Variants in MAF observed in about 807,000 individuals in gnomAD.
The protein encoded by MAF is transcription factor Maf.
Under a neutral mutation model 22.0 loss-of-function variants are expected in MAF, and 10 were observed. That is an observed-to-expected ratio of 0.45 (90% CI 0.28 to 0.77). MAF has a LOEUF of 0.77. Among genes scored for constraint, MAF ranks in the 30% least tolerant of loss-of-function variants. The pLI is 0.12. For synonymous variants in MAF, 337 were observed against 255.8 expected, an observed-to-expected ratio of 1.32 and a Z score of -3.03; for missense variants, 544 against 548.4, an observed-to-expected ratio of 0.99 and a Z score of 0.08.
At position 79,598,614 on chromosome 16, in the gene MAF, TGTGC is replaced by T. The variant is rs1913740039; in HGVS notation, c.1118+167_1118+170del. The T allele has an allele frequency of 2.3e-5, 32 of 1,393,810 alleles. No homozygotes were observed. In the East Asian group the frequency reaches 3.0e-4, roughly 13 times the overall value. The allele number at this position is 1,393,810 out of a possible 1,614,324, so 86.3% of individuals were successfully genotyped here. ...TGTGTGTGTGTGTGTGTGTGTGGTG[TGTGC>T]GTGCGGGTTTGTGTGTGTGTAGGGG... On this transcript the variant is annotated intron_variant, in intron 1 of 1. Transcript: ENST00000326043.
At chr16:79,214,982 T>C in the MAF span, among the ~76,000 whole-genome samples, 1 of 152,214 alleles carries the variant, frequency 6.6e-6, no homozygotes, top group Non-Finnish European at 1.5e-5. Context: ...AGTGCTGGGA[T>C]TACAGGTGTG....
chr16:79,362,706 A>C, the MAF span, among the ~76,000 whole-genome samples: 1 of 152,218 alleles, frequency 6.6e-6, no homozygotes, highest in Non-Finnish European at 1.5e-5. Flanking sequence ...TCTAGACTGC[A>C]TACCTTTACA....
the MAF span, among the ~76,000 whole-genome samples, chr16:79,249,231 C>T: frequency 5.4e-4 from 82 of 152,164 alleles, no homozygotes; most frequent in African/African-American, 1.9e-3. Context: ...ACCAGCCTGA[C>T]CAACATGAAG....
At chr16:79,274,395 C>T in the MAF span, among the ~76,000 whole-genome samples, 15 of 152,192 alleles carry the variant, frequency 9.9e-5, no homozygotes, top group South Asian at 4.2e-4. Flanking sequence ...ATTCAGGTTG[C>T]GCAATTCCAG....
chr16:79,211,944 T>G, the MAF span: 1 of 1,537,268 alleles, frequency 6.5e-7, no homozygotes, highest in South Asian at 1.2e-5. Context: ...GTGAAAAATC[T>G]TAAGTACCAA....
At chr16:79,271,899 T>C in the MAF span, among the ~76,000 whole-genome samples, 3 of 152,256 alleles carry the variant, frequency 2.0e-5, no homozygotes, top group African/African-American at 7.2e-5. Context: ...AGAATCTCCC[T>C]GACCCCTCTG....
At chr16:79,595,272 A>G (rs1913448797) in intron 1 of MAF, 26 of 1,048,704 alleles carry the variant, frequency 2.5e-5, no homozygotes, top group Admixed American at 5.5e-5. Context: ...AGGAAGGTCA[A>G]AATGTCGAGG....
chr16:79,488,728 G>A, the MAF span, among the ~76,000 whole-genome samples: 12,966 of 152,160 alleles, frequency 0.085, 542 homozygotes, highest in East Asian at 0.13. Context: ...CCTGTGTCTT[G>A]CTATGTCAGA....
the MAF span, among the ~76,000 whole-genome samples, chr16:79,493,265 C>T: frequency 7.9e-5 from 12 of 152,112 alleles, no homozygotes; most frequent in African/African-American, 1.4e-4. Context: ...TCACTACAAC[C>T]TTTGCCTCCT....
chr16:79,438,611 G>A, the MAF span, among the ~76,000 whole-genome samples: 1 of 152,100 alleles, frequency 6.6e-6, no homozygotes, highest in African/African-American at 2.4e-5. Flanking sequence ...ATTTCACAGA[G>A]GAGGGAAGGG....
chr16:79,532,883 G>A, the MAF span, among the ~76,000 whole-genome samples: 3,591 of 152,270 alleles, frequency 0.024, 144 homozygotes, highest in African/African-American at 0.074. Context: ...TGCCAGCTTT[G>A]CACAGTTAAA....
At chr16:79,574,690 A>G in the MAF span, among the ~76,000 whole-genome samples, 1 of 152,020 alleles carries the variant, frequency 6.6e-6, no homozygotes, top group African/African-American at 2.4e-5. Flanking sequence ...TTTAGTGGCT[A>G]AGTCTGGCTT....
At chr16:79,581,828 T>C (rs2143666155), downstream of MAF, among the ~76,000 whole-genome samples, 1 of 152,342 alleles carries the variant, frequency 6.6e-6, no homozygotes, top group Non-Finnish European at 1.5e-5. Context: ...GTTAATGTCA[T>C]TCCGCAGGCT....
the MAF span, among the ~76,000 whole-genome samples, chr16:79,450,247 T>C: frequency 6.6e-6 from 1 of 152,188 alleles, no homozygotes; most frequent in Non-Finnish European, 1.5e-5. Flanking sequence ...TTTATAAAAT[T>C]GTGATTGTTT....
the MAF span, among the ~76,000 whole-genome samples, chr16:79,342,274 T>C: frequency 2.6e-5 from 4 of 152,180 alleles, no homozygotes; most frequent in Admixed American, 2.6e-4. Context: ...GCTCTACAAG[T>C]GCCCCTTGCC....
At chr16:79,596,979 T>C in intron 1 of MAF, 1 of 1,052,884 alleles carries the variant, frequency 9.5e-7, no homozygotes, top group Non-Finnish European at 1.1e-6. Flanking sequence ...CATACATTTT[T>C]GAATGTAAAA....
the MAF span, among the ~76,000 whole-genome samples, chr16:79,284,001 TAGTG>T: frequency 8.3e-5 from 2 of 24,150 alleles, no homozygotes; most frequent in African/African-American, 2.6e-4. Context: ...AGCCCCATAG[TAGTG>T]ATTGATGGCA....
chr16:79,214,244 T>G, the MAF span, among the ~76,000 whole-genome samples: 3 of 152,330 alleles, frequency 2.0e-5, no homozygotes, highest in East Asian at 5.8e-4. Context: ...AGAAACTCCA[T>G]GAAATTTGTC....
the MAF span, among the ~76,000 whole-genome samples, chr16:79,512,132 T>C: frequency 7.9e-5 from 12 of 152,326 alleles, no homozygotes; most frequent in African/African-American, 2.9e-4. Context: ...CATAGCTCTT[T>C]GAATGACAAT....
Sources: allele counts gnomAD v4.1 joint callset (sites outside exome capture counted in the v4.1 genomes callset), GRCh38; gene constraint gnomAD v4.1.1; transcripts MANE v1.5; gene names NCBI Gene and HGNC (gene_info 2026-07-23, HGNC 2026-07-21).